The following KIF26A variants were observed in gnomAD, a reference collection of about 807,000 sequenced individuals.
KIF26A encodes kinesin family member 26A.
Under a neutral mutation model 126.0 loss-of-function variants are expected in KIF26A, and 74 were observed. The ratio of observed to expected loss-of-function variants is 0.59; its 90% confidence interval spans 0.49 to 0.71. The LOEUF is 0.71. Ranked by LOEUF, KIF26A falls within the 30% of genes least tolerant of loss-of-function variation. The pLI is 0.00. For missense variants in KIF26A, 2,984 were observed against 2,763.3 expected, an observed-to-expected ratio of 1.08 and a Z score of -1.79; for synonymous variants, 1,445 against 1,232.7, an observed-to-expected ratio of 1.17 and a Z score of -3.61.
intron 4 of KIF26A, among the ~76,000 whole-genome samples, chr14:104,161,068 T>A (rs1566859248): frequency 6.6e-6 from 1 of 152,202 alleles, no homozygotes; most frequent in African/African-American, 2.4e-5. Flanking sequence ...TGGAAGGCAC[T>A]GTCTGGAGAG....
chr14:104,177,442 A>AC lies in KIF26A; in HGVS notation c.4656dup (p.Val1553ArgfsTer17), dbSNP rs2038045485. ...TGTCGGGGCGAAGGCTGGCCGGGGT[A>AC]CCGTCATGGGCACAAAGCAGGCGCT... is the stretch of plus-strand genomic sequence containing the variant. On this transcript the variant is annotated frameshift_variant, in exon 12 of 15. Transcript: ENST00000423312. LOFTEE classifies it high-confidence loss of function. 6.6e-7 allele frequency: 1 copy of AC among 1,522,030 alleles called. No homozygotes were observed. The highest frequency in any genetic ancestry group is 1.4e-5 in the African/African-American group (1 of 72,488). The allele number at this position is 1,522,030 out of a possible 1,614,324, so 94.3% of individuals were successfully genotyped here.
Position 104,148,136 on chromosome 14 carries a change from G to A in KIF26A, c.289-3879G>A, listed in dbSNP as rs1301278395. 6.6e-6 allele frequency among the ~76,000 whole-genome samples: 1 copy of A among 152,112 alleles called. No individual in the cohort carries two copies. The highest frequency in any genetic ancestry group is 1.5e-5 in the Non-Finnish European group (1 of 68,010). On this transcript the variant is annotated intron_variant, in intron 2 of 14. Transcript: ENST00000423312. The surrounding 1 kb of genome is among the most constrained non-coding windows in gnomAD (Gnocchi z 4.3). ...CAGTGACGGGGAGCGGGGAGTCCCCGGTAAAGTCCCCCGGGCCTCACACGC... is the reference window on the plus strand; with the variant it reads ...CAGTGACGGGGAGCGGGGAGTCCCCAGTAAAGTCCCCCGGGCCTCACACGC...
At chr14:104,179,531 G>A in intron 14 of KIF26A, 78 bp from the exon 15 acceptor site, 1 of 1,438,006 alleles carries the variant, frequency 7.0e-7, no homozygotes, top group Non-Finnish European at 9.2e-7. Flanking sequence ...GCCTTTCCTG[G>A]GGCCTCTGGG....
At position 104,172,422 on chromosome 14, in the gene KIF26A, G is replaced by C. The variant is rs542808340; in HGVS notation, c.1327-153G>C. Among the ~76,000 whole-genome samples, 6 of 152,322 alleles carry C rather than the reference G, an allele frequency of 3.9e-5. No individual in the cohort carries two copies. The East Asian group carries it at 1.2e-3, about 29-fold the overall frequency. ...TGTTCATGTGTGTTCTGTGCTTTCC[G>C]TGTGCACATGGGATCTGTCCTTGGT... is the stretch of plus-strand genomic sequence containing the variant. On this transcript the variant is annotated intron_variant, in intron 6 of 14. Coordinates refer to ENST00000423312, the MANE Select transcript of KIF26A (RefSeq NM_015656.2).
Position 104,178,267 on chromosome 14 carries a change from C to T in KIF26A, c.5111-283C>T, listed in dbSNP as rs562290189. ...GCCTCCCTGGCGAGTGTCGAGCTGCCTGGAAGGCCCCCGCCAGGGCTGCCC... is the reference window on the plus strand; with the variant it reads ...GCCTCCCTGGCGAGTGTCGAGCTGCTTGGAAGGCCCCCGCCAGGGCTGCCC... On this transcript the variant is annotated intron_variant, in intron 12 of 14. Coordinates refer to ENST00000423312, the MANE Select transcript of KIF26A (RefSeq NM_015656.2). 3.3e-5 allele frequency among the ~76,000 whole-genome samples: 5 copies of T among 152,328 alleles called. No homozygotes were observed. In the South Asian group the frequency reaches 1.0e-3, roughly 32 times the overall value.
At chr14:104,172,746 T>C (rs2037972314) in intron 7 of KIF26A, 78 bp downstream of exon 7, 1 of 1,223,854 alleles carries the variant, frequency 8.2e-7, no homozygotes, top group Non-Finnish European at 1.2e-6. Flanking sequence ...TGCTGGCAGC[T>C]TCTGATGGGA....
chr14:104,145,457 C>T (rs1376379315), intron 2 of KIF26A, among the ~76,000 whole-genome samples: 6 of 152,072 alleles, frequency 3.9e-5, no homozygotes, highest in Non-Finnish European at 7.4e-5. Flanking sequence ...GCCCGGTGCC[C>T]GGGGCTGATG....
rs377744488 is a variant in KIF26A at position 104,177,079 on chromosome 14, C to T, written c.4291C>T (p.Arg1431Cys). The change falls in exon 12 of 15, where the codon CGT becomes TGT. Residue 1431 changes from arginine to cysteine, a missense_variant. Coordinates refer to ENST00000423312, the MANE Select transcript of KIF26A (RefSeq NM_015656.2). ...GGCCAGCAAGGTAGAAGCAGCACAC[C>T]GTCTTGCCGGACACGCGTCTCTGGA... ...ARASKVEAAH[R>C]LAGHASLERY... The T allele has an allele frequency of 8.2e-5, 130 of 1,594,996 alleles. 2 individuals carry two copies. The Admixed American group carries it at 1.1e-3, about 13-fold the overall frequency.
Position 104,138,605 on chromosome 14 carries a change from C to T in KIF26A, c.-118C>T, listed in dbSNP as rs990408765. The stretch of plus-strand genomic sequence containing the variant: ...TCGCGACACTCGCAGGCTCTGCGAA[C>T]TTCCGAGCGGCTGGGCCGGGCCATG... On this transcript the variant is annotated 5_prime_UTR_variant, in exon 1 of 15. Transcript: ENST00000423312. The T allele has an allele frequency of 1.2e-4, 97 of 821,878 alleles. 1 individual carries two copies. Among genetic ancestry groups the T allele is most frequent in the Non-Finnish European group, 1.5e-4 (96 of 631,686 alleles). The allele number at this position is 821,878 out of a possible 1,614,324, so 50.9% of individuals were successfully genotyped here. A position where few individuals can be genotyped will look rare whatever the true frequency, so the allele number is the denominator to read the frequency against.
intron 2 of KIF26A, among the ~76,000 whole-genome samples, chr14:104,149,703 G>C (rs72714972): frequency 0.011 from 1,606 of 152,264 alleles, 10 homozygotes; most frequent in Middle Eastern, 0.024. Context: ...TTCTCAGGTC[G>C]ATCCGGGCTT....
intron 2 of KIF26A, among the ~76,000 whole-genome samples, chr14:104,142,195 C>T (rs560811198): frequency 4.6e-5 from 7 of 152,096 alleles, no homozygotes; most frequent in African/African-American, 7.2e-5. Flanking sequence ...CGTCTGGGGC[C>T]GTAGGGGAGG....
Position 104,176,332 on chromosome 14 carries a change from G to C in KIF26A, c.3544G>C (p.Ala1182Pro). The C allele has an allele frequency of 6.3e-7, 1 of 1,584,760 alleles. No individual in the cohort carries two copies. ...GGGTCCGTGCCCTGGGGAAGTGGCTGCAGTGGCCCCATCCCGACCCGGCAG... is the reference window on the plus strand; with the variant it reads ...GGGTCCGTGCCCTGGGGAAGTGGCTCCAGTGGCCCCATCCCGACCCGGCAG... ...TWGPCPGEVA[A>P]VAPSRPGREP... is the part of the protein sequence containing the mutation. Residue 1182 changes from alanine to proline, a missense_variant, in exon 12 of 15, where the codon GCA becomes CCA. Coordinates refer to ENST00000423312, the MANE Select transcript of KIF26A (RefSeq NM_015656.2).
At chr14:104,160,800 T>G (rs2037826307) in intron 4 of KIF26A, among the ~76,000 whole-genome samples, 1 of 152,214 alleles carries the variant, frequency 6.6e-6, no homozygotes, top group South Asian at 2.1e-4. Context: ...GCTGCCATGC[T>G]GGTATGGGGG....
chr14:104,174,371 G>A lies in KIF26A; in HGVS notation c.2193+61G>A, dbSNP rs1596148730. 4.2e-6 allele frequency: 6 copies of A among 1,418,510 alleles called. No homozygotes were observed. In the East Asian group the frequency reaches 1.6e-4, roughly 38 times the overall value. The allele number at this position is 1,418,510 out of a possible 1,614,324, so 87.9% of individuals were successfully genotyped here. A position where few individuals can be genotyped will look rare whatever the true frequency, so the allele number is the denominator to read the frequency against. ...CGTCTCGGCTCCTGTGTCCACTGCA[G>A]GCCTCTGCTGGCCTGGTTGGGGTGG... On this transcript the variant is annotated intron_variant, in intron 11 of 14. Transcript: ENST00000423312.
chr14:104,156,550 A>G lies in KIF26A; in HGVS notation c.736-1205A>G, dbSNP rs141537742. Reference sequence around the variant, plus strand: ...TCCCTGTGAACTTCCTTTCGCAGACATGGTTCTGTTCCAGGTCCCGGGAGG... The same window carrying G: ...TCCCTGTGAACTTCCTTTCGCAGACGTGGTTCTGTTCCAGGTCCCGGGAGG... On this transcript the variant is annotated intron_variant, in intron 3 of 14. Transcript: ENST00000423312. 3.9e-3 allele frequency among the ~76,000 whole-genome samples: 599 copies of G among 152,212 alleles called. 27 individuals are homozygous for G. The highest frequency in any genetic ancestry group is 0.035 in the Admixed American group (540 of 15,300).
Position 104,173,240 on chromosome 14 carries a change from G to A in KIF26A, c.1683+1G>A. On this transcript the variant is annotated splice_donor_variant, in intron 8 of 14. Coordinates refer to ENST00000423312, the MANE Select transcript of KIF26A (RefSeq NM_015656.2). LOFTEE classifies it high-confidence loss of function. ...GGAGGACCCCGTGTGTGGGGCGCAG[G>A]TGCGCCTGCCTACTGTCCCACCTTG... 2 of 1,606,054 alleles carry A rather than the reference G, an allele frequency of 1.2e-6. No homozygotes were observed. The highest frequency in any genetic ancestry group is 1.7e-6 in the Non-Finnish European group (2 of 1,175,008).
At chr14:104,144,428 G>C (rs2037663689) in intron 2 of KIF26A, among the ~76,000 whole-genome samples, 1 of 152,200 alleles carries the variant, frequency 6.6e-6, no homozygotes, top group Non-Finnish European at 1.5e-5. Flanking sequence ...CAGGGAAGGA[G>C]GGGGACTGCA....
At chr14:104,143,220 C>T (rs945786423) in intron 2 of KIF26A, among the ~76,000 whole-genome samples, 1 of 152,226 alleles carries the variant, frequency 6.6e-6, no homozygotes, top group African/African-American at 2.4e-5. Context: ...ACTGTTGGTG[C>T]CGCCTGCTGG....
chr14:104,152,800 G>A lies in KIF26A; in HGVS notation c.735+339G>A, dbSNP rs1749143786. ...GCACCGTGTGTAGATCGGGGCTCAC[G>A]AGGCAGATGGAGTAGGAGGGCCCTT... On this transcript the variant is annotated intron_variant, in intron 3 of 14. Transcript: ENST00000423312. The surrounding 1 kb of genome is among the most constrained non-coding windows in gnomAD (Gnocchi z 5.9). Among the ~76,000 whole-genome samples, 1 of 149,974 alleles carries A rather than the reference G, an allele frequency of 6.7e-6. No homozygotes were observed. Among genetic ancestry groups the A allele is most frequent in the South Asian group, 2.1e-4 (1 of 4,754 alleles).
Sources: allele counts gnomAD v4.1 joint callset (sites outside exome capture counted in the v4.1 genomes callset), GRCh38; gene constraint gnomAD v4.1.1; non-coding constraint Gnocchi (gnomAD v3.1); transcripts MANE v1.5; gene names NCBI Gene and HGNC (gene_info 2026-07-23, HGNC 2026-07-21).